PRKN: variants seen among roughly 807,000 people sequenced by gnomAD.
PRKN encodes parkin RBR E3 ubiquitin protein ligase.
PRKN carries 56 observed loss-of-function variants against 59.5 expected under a neutral mutation model. That is an observed-to-expected ratio of 0.94 (90% CI 0.76 to 1.18). PRKN has a LOEUF of 1.18. Ranked by LOEUF, PRKN falls within the 50% of genes most tolerant of loss-of-function variation. PRKN has a pLI of 0.00. For synonymous variants in PRKN, 250 were observed against 222.1 expected (o/e 1.13, Z -1.12); for missense variants, 657 against 596.4 (o/e 1.10, Z -1.06).
At chr6:161,952,176 C>G (rs547304559) in intron 6 of PRKN, among the ~76,000 whole-genome samples, 2 of 152,212 alleles carry the variant, frequency 1.3e-5, no homozygotes, top group South Asian at 4.2e-4. Context: ...GGGTGCCACC[C>G]TCTGTTCTGC....
At chr6:161,775,269 G>T (rs762783751) in intron 7 of PRKN, among the ~76,000 whole-genome samples, 4 of 151,566 alleles carry the variant, frequency 2.6e-5, no homozygotes, top group East Asian at 3.9e-4. Context: ...TTAAGACAGG[G>T]TCTCACTCAG....
chr6:161,682,519 G>A (rs891468782), intron 7 of PRKN, among the ~76,000 whole-genome samples: 5 of 152,102 alleles, frequency 3.3e-5, no homozygotes, highest in East Asian at 1.9e-4. Flanking sequence ...GAGTGAGATC[G>A]GAGCTGGGGA....
chr6:162,523,142 A>T (rs1032594508), intron 1 of PRKN, among the ~76,000 whole-genome samples: 1 of 152,136 alleles, frequency 6.6e-6, no homozygotes, highest in Non-Finnish European at 1.5e-5. Context: ...TGATCAGAGG[A>T]GCAATTTAGA....
intron 6 of PRKN, among the ~76,000 whole-genome samples, chr6:161,944,252 T>C (rs117489364): frequency 0.013 from 1,972 of 152,312 alleles, 31 homozygotes; most frequent in African/African-American, 0.034. Flanking sequence ...AATTTCAAGA[T>C]ACTGTCCCTG....
intron 6 of PRKN, among the ~76,000 whole-genome samples, chr6:161,948,355 T>G (rs1779859491): frequency 6.6e-6 from 1 of 152,202 alleles, no homozygotes; most frequent in South Asian, 2.1e-4. Flanking sequence ...TTTGCTCATT[T>G]ATTCAGCAGA....
At chr6:162,260,763 G>T (rs1779855296) in intron 3 of PRKN, among the ~76,000 whole-genome samples, 1 of 152,150 alleles carries the variant, frequency 6.6e-6, no homozygotes, top group African/African-American at 2.4e-5. Flanking sequence ...TTAATATTCA[G>T]ATAATAAGTA....
intron 7 of PRKN, among the ~76,000 whole-genome samples, chr6:161,661,919 A>G (rs1355245049): frequency 6.6e-6 from 1 of 152,118 alleles, no homozygotes; most frequent in Non-Finnish European, 1.5e-5. Context: ...GCTACTCGGG[A>G]GGCTGAGGCA....
chr6:162,416,702 T>C (rs1788643736), intron 2 of PRKN, among the ~76,000 whole-genome samples: 1 of 152,168 alleles, frequency 6.6e-6, no homozygotes. Flanking sequence ...CTTTCTGCTC[T>C]TTTTCTTAAT....
intron 1 of PRKN, among the ~76,000 whole-genome samples, chr6:162,507,737 C>G (rs1793669699): frequency 6.6e-6 from 1 of 152,178 alleles, no homozygotes; most frequent in Non-Finnish European, 1.5e-5. Context: ...CTATGTCTGT[C>G]TCCCCTGTTG....
intron 5 of PRKN, among the ~76,000 whole-genome samples, chr6:162,011,414 T>TA (rs1562458964): frequency 6.4e-5 from 1 of 15,616 alleles, no homozygotes; most frequent in African/African-American, 3.7e-4. Context: ...ATATAATATA[T>TA]TATATTTTAT....
chr6:162,501,226 C>T (rs1793352204), intron 1 of PRKN, among the ~76,000 whole-genome samples: 1 of 152,044 alleles, frequency 6.6e-6, no homozygotes, highest in African/African-American at 2.4e-5. Context: ...AAATTCTAAA[C>T]TAGTGGAGTT....
chr6:161,616,777 T>C (rs973529106), intron 7 of PRKN, among the ~76,000 whole-genome samples: 24 of 152,222 alleles, frequency 1.6e-4, no homozygotes, highest in African/African-American at 5.8e-4. Flanking sequence ...CCATGGTGTA[T>C]ATGTGTCACA....
At chr6:162,361,315 T>G (rs1047037443) in intron 2 of PRKN, among the ~76,000 whole-genome samples, 3 of 152,094 alleles carry the variant, frequency 2.0e-5, no homozygotes, top group African/African-American at 7.2e-5. Flanking sequence ...TGTGATCGTA[T>G]TTGGAGGTAG....
intron 7 of PRKN, among the ~76,000 whole-genome samples, chr6:161,704,148 G>A (rs972957458): frequency 9.2e-5 from 14 of 151,968 alleles, no homozygotes; most frequent in South Asian, 2.1e-4. Context: ...TAGCCACCAC[G>A]CCCGGCCGAG....
Position 161,578,750 on chromosome 6 carries a change from G to A in PRKN, c.872-9334C>T, listed in dbSNP as rs554548631. ...TAGATTTTCTGTGGTCATTTGGGAG[G>A]TTTGAGACAGAGGACAAGGTAGAAC... On this transcript the variant is annotated intron_variant, in intron 7 of 11. Coordinates refer to ENST00000366898, the MANE Select transcript of PRKN (RefSeq NM_004562.3). This position sits in a 1 kb window ranked among gnomAD's most constrained non-coding sequence, Gnocchi z 4.2. Among the ~76,000 whole-genome samples the A allele has an allele frequency of 6.6e-6, 1 of 152,302 alleles. No homozygotes were observed. Among genetic ancestry groups the A allele is most frequent in the East Asian group, 1.9e-4 (1 of 5,176 alleles).
chr6:161,599,427 G>A (rs971617533), intron 7 of PRKN, among the ~76,000 whole-genome samples: 1 of 152,132 alleles, frequency 6.6e-6, no homozygotes, highest in Non-Finnish European at 1.5e-5. Context: ...ACATGCAATT[G>A]CCACTTAACC....
chr6:161,368,782 C>T (rs893192913), intron 10 of PRKN, among the ~76,000 whole-genome samples: 9 of 152,052 alleles, frequency 5.9e-5, no homozygotes, highest in Non-Finnish European at 1.0e-4. Context: ...CCCAACCTGC[C>T]GAAAGTGCTT....
intron 6 of PRKN, among the ~76,000 whole-genome samples, chr6:161,834,571 A>G (rs1445531264): frequency 6.6e-6 from 1 of 152,206 alleles, no homozygotes; most frequent in African/African-American, 2.4e-5. Flanking sequence ...TTATTCTTCT[A>G]CCTGGGGAAC....
intron 4 of PRKN, among the ~76,000 whole-genome samples, chr6:162,122,886 C>T (rs979613283): frequency 1.3e-5 from 2 of 152,016 alleles, no homozygotes; most frequent in African/African-American, 4.8e-5. Flanking sequence ...GCTTTCACTA[C>T]TATATCTAAT....
Sources: gnomAD v4.1 joint callset for allele counts (sites outside exome capture counted in the v4.1 genomes callset) on GRCh38, gnomAD v4.1.1 for gene constraint, Gnocchi (gnomAD v3.1) non-coding constraint, MANE v1.5 for transcripts, NCBI Gene and HGNC (gene_info 2026-07-23, HGNC 2026-07-21) for gene names.